The following CIAO2A variants were observed in gnomAD, a reference collection of about 807,000 sequenced individuals.
CIAO2A encodes the protein cytosolic iron-sulfur assembly component 2A, also known as MIP18 family protein FAM96A.
CIAO2A carries 17 observed loss-of-function variants against 22.4 expected under a neutral mutation model. The observed-to-expected ratio is 0.76, with a 90% CI of 0.52 to 1.14. CIAO2A has a LOEUF of 1.14. Ranked by LOEUF, CIAO2A falls within the 50% of genes most tolerant of loss-of-function variation. The pLI is 0.00. For missense variants in CIAO2A, 192 were observed against 191.4 expected (o/e 1.00, Z -0.02); for synonymous variants, 74 against 72.3 (o/e 1.02, Z -0.12).
intron 4 of CIAO2A, 140 bp downstream of exon 4, chr15:64,075,352 C>A: frequency 1.8e-6 from 1 of 569,960 alleles, no homozygotes. Flanking sequence ...GGTTTCCTCA[C>A]CTAGGAAGGA....
chr15:64,072,983 T>C lies in CIAO2A; in HGVS notation c.431A>G (p.Glu144Gly), dbSNP rs747635711. The C allele has an allele frequency of 1.2e-5, 19 of 1,614,002 alleles. 1 individual carries two copies. Among genetic ancestry groups the C allele is most frequent in the Non-Finnish European group, 1.2e-5 (14 of 1,179,930 alleles). ...NDKERVAAAM[E>G]NPNLREIVEQ... ...CACAATTTCCCGTAAGTTGGGGTTT[T>C]CCATTGCAGCTGCCACTCGCTCTTT... The change falls in exon 5 of 5, where the codon GAA (glutamate) becomes GGA (glycine). Residue 144 changes from glutamate (E) to glycine (G), a missense_variant. Glu to Gly is a moderately conservative substitution (Grantham distance 98). Coordinates refer to ENST00000300030, the MANE Select transcript of CIAO2A (RefSeq NM_032231.7).
Position 64,072,830 on chromosome 15 carries a change from G to T in CIAO2A, c.*101C>A. 1 of 715,960 alleles carries T rather than the reference G, an allele frequency of 1.4e-6. No individual in the cohort carries two copies. Among genetic ancestry groups the T allele is most frequent in the Non-Finnish European group, 2.3e-6 (1 of 430,898 alleles). The allele number at this position is 715,960 out of a possible 1,614,324, so 44.4% of individuals were successfully genotyped here. ...AGAATCCTTTAAAAAATACTCTGAG[G>T]TACAAATCACCTATGTATTAAACAT... On this transcript the variant is annotated 3_prime_UTR_variant, in exon 5 of 5. Coordinates refer to ENST00000300030, the MANE Select transcript of CIAO2A (RefSeq NM_032231.7).
intron 3 of CIAO2A, among the ~76,000 whole-genome samples, chr15:64,080,097 A>G (rs2080748839): frequency 6.6e-6 from 1 of 152,164 alleles, no homozygotes; most frequent in Admixed American, 6.5e-5. Context: ...AATCACAACC[A>G]CCATGACAGC....
intron 1 of CIAO2A, among the ~76,000 whole-genome samples, chr15:64,091,028 A>G (rs2080836205): frequency 6.6e-6 from 1 of 152,212 alleles, no homozygotes. Flanking sequence ...GAAAGGAAAG[A>G]AGCAGAATTT....
rs140314984 is a variant in CIAO2A, at chr15:64,080,035, C to G, written c.339+1067G>C. Among the ~76,000 whole-genome samples, 3 of 152,200 alleles carry G rather than the reference C, an allele frequency of 2.0e-5. No homozygotes were observed. The East Asian group carries it at 5.8e-4, about 29-fold the overall frequency. On this transcript the variant is annotated intron_variant, in intron 3 of 4. Transcript: ENST00000300030. ...CAGCTCTCCAAAGATACACAAATGG[C>G]CAAAAACCACATGAAAAGGTTCTCA...
rs561029470 is a variant in CIAO2A, at chr15:64,092,692, T to C, written c.124+953A>G. 2.6e-5 allele frequency among the ~76,000 whole-genome samples: 4 copies of C among 152,360 alleles called. No individual in the cohort carries two copies. In the South Asian group the frequency reaches 6.2e-4, roughly 24 times the overall value. ...AGGCTGATTAGGTAAGTCCTGCCTC[T>C]AGTAAGAGAGGTCAACCAAATTAGC... On this transcript the variant is annotated intron_variant, in intron 1 of 4. Transcript: ENST00000300030.
chr15:64,092,689 C>CTCTA (rs986906210), intron 1 of CIAO2A, among the ~76,000 whole-genome samples: 3 of 152,222 alleles, frequency 2.0e-5, no homozygotes, highest in Non-Finnish European at 4.4e-5. Flanking sequence ...TAAGTCCTGC[C>CTCTA]TCTAGTAAGA....
In CIAO2A at chr15:64,089,460, G is replaced by A. The variant is rs1033969607; in HGVS notation, c.125-609C>T. Among the ~76,000 whole-genome samples the A allele has an allele frequency of 7.7e-5, 9 of 117,212 alleles. No individual in the cohort carries two copies. The South Asian group carries it at 8.4e-4, about 11-fold the overall frequency. 76.9% of individuals were successfully genotyped at this position (117,212 alleles called of 152,430 possible). ...AGCCCAGGAGGCAGAGGTTGAGAGC[G>A]GAGATCGTGTCACCGCACTCTAGGC... On this transcript the variant is annotated intron_variant, in intron 1 of 4. Coordinates refer to ENST00000300030, the MANE Select transcript of CIAO2A (RefSeq NM_032231.7).
chr15:64,073,178 C>T (rs2080687821), intron 4 of CIAO2A, 150 bp from the exon 5 acceptor site: 2 of 535,150 alleles, frequency 3.7e-6, no homozygotes, highest in African/African-American at 3.8e-5. Flanking sequence ...AATTTCCCAT[C>T]TAGAAGGCAG....
In CIAO2A at chr15:64,078,669, A is replaced by G. The variant is rs1353692327; in HGVS notation, c.339+2433T>C. On this transcript the variant is annotated intron_variant, in intron 3 of 4. Transcript: ENST00000300030. ...AAAAAAAAAAAAGAAAAGAGAGAGA[A>G]GTTGACAGTCCAGGAGGGAAGATGA... Among the ~76,000 whole-genome samples the G allele has an allele frequency of 5.3e-5, 8 of 150,628 alleles. No individual in the cohort carries two copies. In the East Asian group the frequency reaches 1.6e-3, roughly 29 times the overall value.
chr15:64,074,117 G>A lies in CIAO2A; in HGVS notation c.386-1089C>T, dbSNP rs533707326. 5.3e-5 allele frequency among the ~76,000 whole-genome samples: 8 copies of A among 152,060 alleles called. No homozygotes were observed. The South Asian group carries it at 1.7e-3, about 32-fold the overall frequency. On this transcript the variant is annotated intron_variant, in intron 4 of 4. Coordinates refer to ENST00000300030, the MANE Select transcript of CIAO2A (RefSeq NM_032231.7). ...ATCTTTTTTTAAAATTAGTTTGAAT[G>A]GATCTTCATATAATAAAGGTATTGG...
At position 64,072,646 on chromosome 15, in the gene CIAO2A, AAT is replaced by A; in HGVS notation, c.*283_*284del. On this transcript the variant is annotated 3_prime_UTR_variant, in exon 5 of 5. Coordinates refer to ENST00000300030, the MANE Select transcript of CIAO2A (RefSeq NM_032231.7). ...GGCACAGTAGATATTTGACACGAAA[AAT>A]AGTTGTATCAGAATGAGCATCAGAA... 1 of 251,598 alleles carries A rather than the reference AAT, an allele frequency of 4.0e-6. No individual in the cohort carries two copies. The highest frequency in any genetic ancestry group is 7.6e-6 in the Non-Finnish European group (1 of 132,432). 15.6% of individuals were successfully genotyped at this position (251,598 alleles called of 1,614,324 possible). A position where few individuals can be genotyped will look rare whatever the true frequency, so the allele number is the denominator to read the frequency against.
At chr15:64,074,349 T>C (rs1344388587) in intron 4 of CIAO2A, 1 of 152,234 alleles carries the variant, frequency 6.6e-6, no homozygotes, top group Non-Finnish European at 1.5e-5. Context: ...AAGGCAGGAA[T>C]GTATCTCAAA....
At chr15:64,078,639 C>CAAAAAAAAAAAA (rs56266808) in intron 3 of CIAO2A, among the ~76,000 whole-genome samples, 44 of 129,098 alleles carry the variant, frequency 3.4e-4, no homozygotes, top group African/African-American at 1.1e-3. Flanking sequence ...CCATCGCAAA[C>CAAAAAAAAAAAA]AAAAAAAAAA....
At chr15:64,074,590 C>T (rs918263249) in intron 4 of CIAO2A, 7 of 152,188 alleles carry the variant, frequency 4.6e-5, no homozygotes, top group African/African-American at 1.7e-4. Context: ...GTATAATAAT[C>T]TACATGTCTA....
At chr15:64,076,555 T>A (rs1463889993) in intron 3 of CIAO2A, among the ~76,000 whole-genome samples, 2 of 152,100 alleles carry the variant, frequency 1.3e-5, no homozygotes, top group Non-Finnish European at 2.9e-5. Flanking sequence ...GCAAATCCTG[T>A]GGTAAAGAGA....
rs1008516358 is a variant in CIAO2A at position 64,093,537 on chromosome 15, A to AC, written c.124+107_124+108insG. On this transcript the variant is annotated intron_variant, in intron 1 of 4. Coordinates refer to ENST00000300030, the MANE Select transcript of CIAO2A (RefSeq NM_032231.7). ...CAAAAACAAACAAACAAACAAACAA[A>AC]AAAAAAGGTCTCCCCTCCCAGCCCT... 307 of 1,305,524 alleles carry AC rather than the reference A, an allele frequency of 2.4e-4. 1 individual carries two copies. Among genetic ancestry groups the AC allele is most frequent in the South Asian group, 7.2e-4 (44 of 60,710 alleles). 80.9% of individuals were successfully genotyped at this position (1,305,524 alleles called of 1,614,324 possible). A position where few individuals can be genotyped will look rare whatever the true frequency, so the allele number is the denominator to read the frequency against.
In CIAO2A at chr15:64,082,737, G is replaced by A. The variant is rs1162661980; in HGVS notation, c.290-1586C>T. On this transcript the variant is annotated intron_variant, in intron 2 of 4. Transcript: ENST00000300030. ...CACGTATTTTAGTCACTATTGGTAG[G>A]TGTTTTACAATTCGCAAAGCACTTT... Among the ~76,000 whole-genome samples the A allele has an allele frequency of 4.6e-5, 7 of 152,096 alleles. No individual in the cohort carries two copies. The East Asian group carries it at 1.2e-3, about 25-fold the overall frequency.
At chr15:64,090,747 T>C (rs2080834146) in intron 1 of CIAO2A, among the ~76,000 whole-genome samples, 1 of 152,270 alleles carries the variant, frequency 6.6e-6, no homozygotes, top group Admixed American at 6.5e-5. Flanking sequence ...TGAAAATGTC[T>C]TCCTAGGGCC....
Sources: allele counts gnomAD v4.1 joint callset (sites outside exome capture counted in the v4.1 genomes callset), GRCh38; gene constraint gnomAD v4.1.1; transcripts MANE v1.5; gene names NCBI Gene and HGNC (gene_info 2026-07-23, HGNC 2026-07-21).